The following PLGRKT variants were observed in gnomAD, a reference collection of about 807,000 sequenced individuals.
PLGRKT encodes the protein plasminogen receptor with a C-terminal lysine, also known as plasminogen receptor (KT).
In PLGRKT, 22 loss-of-function variants were observed where a neutral mutation model predicts 18.5. That is an observed-to-expected ratio of 1.19 (90% CI 0.85 to 1.70). The LOEUF (loss-of-function observed/expected upper bound fraction) is 1.70, where lower values mean the gene tolerates loss of function less well. Ranked by LOEUF, PLGRKT falls within the 40% of genes most tolerant of loss-of-function variation. PLGRKT has a pLI of 0.00. For missense variants in PLGRKT, 235 were observed against 174.4 expected, an observed-to-expected ratio of 1.35 and a Z score of -1.96; for synonymous variants, 72 against 52.8, an observed-to-expected ratio of 1.36 and a Z score of -1.58.
chr9:5,375,856 C>A (rs1416026605), intron 3 of PLGRKT, among the ~76,000 whole-genome samples: 1 of 152,154 alleles, frequency 6.6e-6, no homozygotes, highest in Non-Finnish European at 1.5e-5. Context: ...TGGGTCTATA[C>A]CCAAAAGCAA....
At chr9:5,428,857 C>G (rs972524492) in intron 3 of PLGRKT, among the ~76,000 whole-genome samples, 4 of 152,114 alleles carry the variant, frequency 2.6e-5, no homozygotes, top group Non-Finnish European at 5.9e-5. Flanking sequence ...TAACACCATG[C>G]CTGGCTAATT....
intron 1 of PLGRKT, 88 bp downstream of exon 1, chr9:5,437,701 T>A (rs1818988127): frequency 6.6e-6 from 1 of 152,276 alleles, no homozygotes; most frequent in Non-Finnish European, 1.5e-5. Context: ...CAGCGCTGCC[T>A]GGCAAGCCCG....
At chr9:5,422,581 A>G (rs1376204302) in intron 3 of PLGRKT, among the ~76,000 whole-genome samples, 1 of 152,234 alleles carries the variant, frequency 6.6e-6, no homozygotes, top group Non-Finnish European at 1.5e-5. Flanking sequence ...TATAGTAGGA[A>G]AACTTTGCTT....
At chr9:5,372,965 T>C (rs1339937865) in intron 3 of PLGRKT, among the ~76,000 whole-genome samples, 1 of 152,192 alleles carries the variant, frequency 6.6e-6, no homozygotes, top group Non-Finnish European at 1.5e-5. Context: ...GATCTGGAAT[T>C]CAAACCCAGG....
At chr9:5,380,233 T>C (rs1817713365) in intron 3 of PLGRKT, among the ~76,000 whole-genome samples, 2 of 151,778 alleles carry the variant, frequency 1.3e-5, no homozygotes, top group African/African-American at 4.8e-5. Flanking sequence ...GGCGTGGTGG[T>C]GGGCACCTGT....
At position 5,418,385 on chromosome 9, in the gene PLGRKT, C is replaced by T; in HGVS notation, c.81+13512G>A. 3.9e-6 allele frequency: 3 copies of T among 778,396 alleles called. No individual in the cohort carries two copies. Among genetic ancestry groups the T allele is most frequent in the South Asian group, 2.9e-5 (2 of 68,432 alleles). 48.2% of individuals were successfully genotyped at this position (778,396 alleles called of 1,614,324 possible). ...AGCCCTCTCCAGCCACAAGATGTCACAGTCAAGCGCTTAGAAATGCAGGAC... is the reference window on the plus strand; with the variant it reads ...AGCCCTCTCCAGCCACAAGATGTCATAGTCAAGCGCTTAGAAATGCAGGAC... On this transcript the variant is annotated intron_variant, in intron 3 of 5. Transcript: ENST00000223864. This position sits in a 1 kb window ranked among gnomAD's most constrained non-coding sequence, Gnocchi z 4.2.
chr9:5,377,866 A>G (rs182545417), intron 3 of PLGRKT, among the ~76,000 whole-genome samples: 15 of 152,292 alleles, frequency 9.8e-5, no homozygotes, highest in African/African-American at 3.6e-4. Context: ...AGAAGAGCTG[A>G]TATCGAGGCA....
At chr9:5,374,082 G>A (rs1013737848) in intron 3 of PLGRKT, among the ~76,000 whole-genome samples, 4 of 152,134 alleles carry the variant, frequency 2.6e-5, no homozygotes, top group African/African-American at 4.8e-5. Flanking sequence ...TGCTGATGAC[G>A]TCTACATTCA....
chr9:5,437,290 T>C (rs950038409), intron 1 of PLGRKT, among the ~76,000 whole-genome samples: 3 of 152,194 alleles, frequency 2.0e-5, no homozygotes, highest in African/African-American at 7.2e-5. Context: ...TCATCGGGAT[T>C]ACCACGCTGA....
Position 5,418,837 on chromosome 9 carries a change from T to C in PLGRKT, c.81+13060A>G, listed in dbSNP as rs202114679. The C allele has an allele frequency of 5.8e-6, 6 of 1,042,396 alleles. No individual in the cohort carries two copies. The East Asian group carries it at 1.2e-4, about 22-fold the overall frequency. 64.6% of individuals were successfully genotyped at this position (1,042,396 alleles called of 1,614,324 possible). ...ACCGCTGCACCAGGGGCATCGCACA[T>C]CCTTCTGGCTGGTCCTCGTCTGCTG... is the stretch of plus-strand genomic sequence containing the variant. On this transcript the variant is annotated intron_variant, in intron 3 of 5. Coordinates refer to ENST00000223864, the MANE Select transcript of PLGRKT (RefSeq NM_018465.4). This position sits in a 1 kb window ranked among gnomAD's most constrained non-coding sequence, Gnocchi z 4.2.
At chr9:5,390,857 A>C (rs532765495) in intron 3 of PLGRKT, among the ~76,000 whole-genome samples, 1 of 152,114 alleles carries the variant, frequency 6.6e-6, no homozygotes, top group East Asian at 1.9e-4. Context: ...AATGTCTTCA[A>C]AACACAAAAT....
At chr9:5,403,602 T>C (rs1345487880) in intron 3 of PLGRKT, among the ~76,000 whole-genome samples, 1 of 152,226 alleles carries the variant, frequency 6.6e-6, no homozygotes, top group East Asian at 1.9e-4. Context: ...GATAAGATTG[T>C]TCTACTAAAG....
At chr9:5,394,390 G>T (rs1269886193) in intron 3 of PLGRKT, among the ~76,000 whole-genome samples, 2 of 151,840 alleles carry the variant, frequency 1.3e-5, no homozygotes, top group Non-Finnish European at 1.5e-5. Context: ...TTTCCATGAG[G>T]ATTTTTTAAT....
At chr9:5,425,431 G>T (rs1458478266) in intron 3 of PLGRKT, among the ~76,000 whole-genome samples, 2 of 152,038 alleles carry the variant, frequency 1.3e-5, no homozygotes, top group African/African-American at 4.8e-5. Flanking sequence ...TTGATTTGAG[G>T]CCTTTCATAA....
At chr9:5,391,347 T>A (rs1263779448) in intron 3 of PLGRKT, among the ~76,000 whole-genome samples, 1 of 151,964 alleles carries the variant, frequency 6.6e-6, no homozygotes, top group Non-Finnish European at 1.5e-5. Flanking sequence ...AAATAAAAGC[T>A]AAGATAAGAA....
chr9:5,406,451 C>T (rs7046140), intron 3 of PLGRKT, among the ~76,000 whole-genome samples: 35,300 of 152,128 alleles, frequency 0.23, 4,498 homozygotes, highest in Non-Finnish European at 0.29. Flanking sequence ...AAGATCATGT[C>T]CTTTGCAGGG....
chr9:5,374,109 C>A (rs1162777389), intron 3 of PLGRKT, among the ~76,000 whole-genome samples: 3 of 152,214 alleles, frequency 2.0e-5, no homozygotes, highest in African/African-American at 7.2e-5. Context: ...TACCTTAGAA[C>A]TGTTCTTGGC....
intron 2 of PLGRKT, among the ~76,000 whole-genome samples, chr9:5,435,168 A>C (rs977508708): frequency 1.3e-5 from 2 of 152,114 alleles, no homozygotes; most frequent in Admixed American, 6.6e-5. Context: ...GTACCCAGGG[A>C]CACAAACAGG....
intron 3 of PLGRKT, among the ~76,000 whole-genome samples, chr9:5,376,025 G>A (rs1817620230): frequency 6.6e-6 from 1 of 152,174 alleles, no homozygotes; most frequent in Admixed American, 6.6e-5. Flanking sequence ...GCCATAAAAA[G>A]GAAGGAAATT....
Sources: gnomAD v4.1 joint callset for allele counts (sites outside exome capture counted in the v4.1 genomes callset) on GRCh38, gnomAD v4.1.1 for gene constraint, Gnocchi (gnomAD v3.1) non-coding constraint, MANE v1.5 for transcripts, NCBI Gene and HGNC (gene_info 2026-07-23, HGNC 2026-07-21) for gene names.